Variants in TCF7L2 observed in about 807,000 individuals in gnomAD.
TCF7L2 encodes transcription factor 7 like 2.
Under a neutral mutation model 77.9 loss-of-function variants are expected in TCF7L2, and 23 were observed. The ratio of observed to expected loss-of-function variants is 0.30; its 90% confidence interval spans 0.21 to 0.42. The LOEUF (loss-of-function observed/expected upper bound fraction) is 0.42, where lower values mean the gene tolerates loss of function less well. Ranked by LOEUF, TCF7L2 falls within the 10% of genes least tolerant of loss-of-function variation. The pLI is 1.00. For missense variants in TCF7L2, 654 were observed against 793.1 expected (o/e 0.82, Z 2.11); for synonymous variants, 413 against 340.2 (o/e 1.21, Z -2.36).
chr10:112,951,716 C>A (rs2031485122), intron 3 of TCF7L2, 109 bp downstream of exon 3: 1 of 479,356 alleles, frequency 2.1e-6, no homozygotes, highest in Non-Finnish European at 2.7e-6. Context: ...CCCTCCCCGC[C>A]TCCTCCCCTC....
intron 4 of TCF7L2, among the ~76,000 whole-genome samples, chr10:112,981,678 C>T (rs1215575172): frequency 1.3e-5 from 2 of 152,210 alleles, no homozygotes; most frequent in Non-Finnish European, 2.9e-5. Flanking sequence ...GTAAAAAGTA[C>T]ACAGAGAAAA....
intron 4 of TCF7L2, among the ~76,000 whole-genome samples, chr10:113,010,803 C>T (rs1450125771): frequency 3.3e-5 from 5 of 152,154 alleles, no homozygotes; most frequent in Non-Finnish European, 5.9e-5. Flanking sequence ...CTCTTGAGCT[C>T]GGGAGTTCCA....
chr10:113,025,904 G>A (rs893467256), intron 4 of TCF7L2, among the ~76,000 whole-genome samples: 11 of 150,362 alleles, frequency 7.3e-5, no homozygotes, highest in African/African-American at 2.4e-4. Flanking sequence ...TTTAGATAGA[G>A]TCTTGCTCTG....
intron 5 of TCF7L2, among the ~76,000 whole-genome samples, chr10:113,074,666 G>C (rs995093587): frequency 8.5e-5 from 13 of 152,130 alleles, no homozygotes; most frequent in African/African-American, 3.1e-4. Context: ...TGAATGGGAT[G>C]GTTTTAATGT....
At chr10:112,986,938 T>C (rs2041656633) in intron 4 of TCF7L2, among the ~76,000 whole-genome samples, 1 of 152,222 alleles carries the variant, frequency 6.6e-6, no homozygotes, top group South Asian at 2.1e-4. Flanking sequence ...CTTGCAGATA[T>C]TGGTGGGTGA....
rs536116181 is a variant in TCF7L2, at chr10:112,950,673, C to G, written c.-84C>G. ...TTTCTTGCAATATTTTTTGGGGGGG[C>G]AAAACTTTTTGGGGGTGATTTTTTT... On this transcript the variant is annotated 5_prime_UTR_variant, in exon 1 of 14. Transcript: ENST00000627217. 82 of 1,385,482 alleles carry G rather than the reference C, an allele frequency of 5.9e-5. 1 individual carries two copies. The South Asian group carries it at 6.2e-4, about 10-fold the overall frequency. 85.8% of individuals were successfully genotyped at this position (1,385,482 alleles called of 1,614,324 possible).
intron 4 of TCF7L2, among the ~76,000 whole-genome samples, chr10:112,971,674 G>A (rs1287238472): frequency 2.6e-5 from 4 of 151,114 alleles, no homozygotes; most frequent in African/African-American, 9.8e-5. Context: ...ATGCAGTGGC[G>A]TGATGTCGGC....
intron 5 of TCF7L2, among the ~76,000 whole-genome samples, chr10:113,135,972 G>C (rs2067328477): frequency 6.6e-6 from 1 of 152,120 alleles, no homozygotes; most frequent in Admixed American, 6.5e-5. Flanking sequence ...CATCTCCCTA[G>C]ATGAACACAG....
intron 5 of TCF7L2, among the ~76,000 whole-genome samples, chr10:113,083,765 T>G (rs1278692395): frequency 6.6e-6 from 1 of 152,228 alleles, no homozygotes; most frequent in Non-Finnish European, 1.5e-5. Context: ...GTCAGTTCAG[T>G]ACTTTGCTTT....
chr10:112,951,378 C>T (rs1479215634), intron 2 of TCF7L2, 105 bp downstream of exon 2: 1 of 1,130,054 alleles, frequency 8.8e-7, no homozygotes, highest in African/African-American at 1.7e-5. Context: ...CTGCGCCGGC[C>T]CGGTCGGGGC....
intron 4 of TCF7L2, among the ~76,000 whole-genome samples, chr10:113,025,712 C>T (rs977558236): frequency 2.0e-5 from 3 of 151,970 alleles, no homozygotes; most frequent in African/African-American, 7.3e-5. Context: ...GTTAGAGTTG[C>T]ACAGCCTTTA....
At chr10:112,981,198 G>A (rs1225036042) in intron 4 of TCF7L2, among the ~76,000 whole-genome samples, 1 of 151,822 alleles carries the variant, frequency 6.6e-6, no homozygotes, top group African/African-American at 2.4e-5. Context: ...CAGAAGATAC[G>A]ATTTGTGAAG....
chr10:112,977,195 A>G (rs1281431136), intron 4 of TCF7L2, among the ~76,000 whole-genome samples: 1 of 152,216 alleles, frequency 6.6e-6, no homozygotes, highest in Non-Finnish European at 1.5e-5. Flanking sequence ...ATGAAGCACC[A>G]GAATAAATAG....
At chr10:113,037,279 G>C (rs1437862200) in intron 4 of TCF7L2, among the ~76,000 whole-genome samples, 1 of 152,156 alleles carries the variant, frequency 6.6e-6, no homozygotes, top group Non-Finnish European at 1.5e-5. Flanking sequence ...GCTTGGATTT[G>C]TGTGTACCCA....
intron 5 of TCF7L2, among the ~76,000 whole-genome samples, chr10:113,043,657 C>T (rs1403812599): frequency 2.0e-5 from 3 of 152,202 alleles, no homozygotes; most frequent in Admixed American, 6.5e-5. Flanking sequence ...GAGACATTAG[C>T]CACAAGTTCC....
At chr10:113,020,070 G>A (rs2048034094) in intron 4 of TCF7L2, among the ~76,000 whole-genome samples, 1 of 152,188 alleles carries the variant, frequency 6.6e-6, no homozygotes, top group Admixed American at 6.5e-5. Context: ...ACTGGAAAGT[G>A]CTGTGGCCCG....
In TCF7L2 at chr10:112,964,587, C is replaced by G; in HGVS notation, c.413C>G (p.Ser138Cys). ...TTTCAGTCCGGCAGCACACATTACT[C>G]TGCGTACAAAACGATTGAACACCAG... is the stretch of plus-strand genomic sequence containing the variant. The change falls in exon 4 of 14, where the codon TCT becomes TGT. Residue 138 changes from serine (S) to cysteine (C), a missense_variant. Ser to Cys is a moderately radical substitution (Grantham distance 112). Coordinates refer to ENST00000627217, the MANE Select transcript of TCF7L2 (RefSeq NM_001146274.2). 6.2e-7 allele frequency: 1 copy of G among 1,613,538 alleles called. No homozygotes were observed. Among genetic ancestry groups the G allele is most frequent in the Non-Finnish European group, 8.5e-7 (1 of 1,179,586 alleles).
At chr10:113,073,953 A>G (rs1187476873) in intron 5 of TCF7L2, among the ~76,000 whole-genome samples, 1 of 152,196 alleles carries the variant, frequency 6.6e-6, no homozygotes, top group Admixed American at 6.6e-5. Flanking sequence ...TAAGAGAGGC[A>G]CCAGGGTCGT....
chr10:113,138,835 G>C (rs1564947608), intron 5 of TCF7L2, among the ~76,000 whole-genome samples: 1 of 152,090 alleles, frequency 6.6e-6, no homozygotes, highest in Admixed American at 6.5e-5. Flanking sequence ...CTTGGGTCCT[G>C]AGCCCAGACC....
Sources: allele counts gnomAD v4.1 joint callset (sites outside exome capture counted in the v4.1 genomes callset), GRCh38; gene constraint gnomAD v4.1.1; transcripts MANE v1.5; gene names NCBI Gene and HGNC (gene_info 2026-07-23, HGNC 2026-07-21).